HMCN1: variants seen among roughly 807,000 people sequenced by gnomAD.
The protein encoded by HMCN1 is hemicentin 1.
In HMCN1, 321 loss-of-function variants were observed where a neutral mutation model predicts 625.9. That is an observed-to-expected ratio of 0.51 (90% confidence interval 0.47 to 0.56). HMCN1 has a LOEUF of 0.56. HMCN1 is among the 20% of genes least tolerant of loss of function. The pLI, the probability that HMCN1 is intolerant of heterozygous loss-of-function variation, is 0.00. For synonymous variants in HMCN1, 2,425 were observed against 2,417.6 expected, an observed-to-expected ratio of 1.00 and a Z score of -0.09; for missense variants, 6,588 against 6,887.3, an observed-to-expected ratio of 0.96 and a Z score of 1.54.
intron 9 of HMCN1, among the ~76,000 whole-genome samples, chr1:185,926,934 A>C (rs1667307510): frequency 6.6e-6 from 1 of 152,198 alleles, no homozygotes; most frequent in African/African-American, 2.4e-5. Context: ...GCTTAATGTC[A>C]ACTGAGAAGG....
chr1:185,972,958 T>A (rs947603327), intron 15 of HMCN1, among the ~76,000 whole-genome samples: 12 of 152,232 alleles, frequency 7.9e-5, no homozygotes, highest in African/African-American at 2.6e-4. Context: ...ACCATGCAAA[T>A]CACAGTTGCA....
At chr1:185,822,639 T>A (rs74135365) in intron 1 of HMCN1, among the ~76,000 whole-genome samples, 6,309 of 152,256 alleles carry the variant, frequency 0.041, 434 homozygotes, top group African/African-American at 0.14. Flanking sequence ...AGGTTAAATT[T>A]AAAATTTTTT....
chr1:186,044,212 T>C (rs1656399366), intron 40 of HMCN1, among the ~76,000 whole-genome samples: 1 of 152,230 alleles, frequency 6.6e-6, no homozygotes, highest in African/African-American at 2.4e-5. Context: ...CAGTGTTTTC[T>C]GTTTCTCACA....
At chr1:186,175,876 C>CAAAAAAAAAAAAAAAAAAA (rs758445916) in intron 103 of HMCN1, among the ~76,000 whole-genome samples, 13 of 76,130 alleles carry the variant, frequency 1.7e-4, no homozygotes, top group Non-Finnish European at 2.4e-4. Context: ...AACTATGTCT[C>CAAAAAAAAAAAAAAAAAAA]AAAAAAAAAA....
intron 11 of HMCN1, among the ~76,000 whole-genome samples, chr1:185,957,306 G>A (rs1264234023): frequency 6.6e-6 from 1 of 152,150 alleles, no homozygotes; most frequent in East Asian, 1.9e-4. Flanking sequence ...CAAAATGTGA[G>A]TGAGTTTTGC....
chr1:186,146,968 C>T (rs184896215), intron 93 of HMCN1, among the ~76,000 whole-genome samples: 41 of 152,304 alleles, frequency 2.7e-4, no homozygotes, highest in Admixed American at 2.1e-3. Flanking sequence ...GTCAAAATGT[C>T]AGTGATGACC....
intron 1 of HMCN1, among the ~76,000 whole-genome samples, chr1:185,788,912 A>C (rs1403015020): frequency 6.6e-6 from 1 of 152,208 alleles, no homozygotes; most frequent in Non-Finnish European, 1.5e-5. Context: ...CTATGTAATA[A>C]AGTAACAAAT....
chr1:185,818,688 C>T (rs1414461607), intron 1 of HMCN1, among the ~76,000 whole-genome samples: 1 of 151,930 alleles, frequency 6.6e-6, no homozygotes, highest in East Asian at 1.9e-4. Context: ...ATATATTTTT[C>T]ATAAGAATTA....
chr1:186,094,413 A>T (rs1268279937), intron 67 of HMCN1, 40 bp downstream of exon 67: 3 of 1,432,444 alleles, frequency 2.1e-6, no homozygotes, highest in Non-Finnish European at 3.0e-6. Flanking sequence ...TTGCTATGTC[A>T]AGTATTAAGC....
At chr1:185,987,105 A>C (rs1408847694) in intron 19 of HMCN1, among the ~76,000 whole-genome samples, 1 of 151,724 alleles carries the variant, frequency 6.6e-6, no homozygotes, top group African/African-American at 2.4e-5. Context: ...TGTAGCTCTT[A>C]GAGTGCAATT....
intron 1 of HMCN1, among the ~76,000 whole-genome samples, chr1:185,812,856 G>A (rs781298726): frequency 5.3e-5 from 8 of 151,948 alleles, no homozygotes; most frequent in Non-Finnish European, 1.0e-4. Context: ...AGATGGAAAT[G>A]AGACCTAATT....
At chr1:186,089,682 T>G (rs1381578814) in intron 63 of HMCN1, among the ~76,000 whole-genome samples, 1 of 152,000 alleles carries the variant, frequency 6.6e-6, no homozygotes. Flanking sequence ...ACCAGATTTT[T>G]ATATACTTTA....
At chr1:185,894,252 A>G (rs1400453290) in intron 4 of HMCN1, among the ~76,000 whole-genome samples, 1 of 152,226 alleles carries the variant, frequency 6.6e-6, no homozygotes, top group Non-Finnish European at 1.5e-5. Flanking sequence ...CATACAGTAC[A>G]CTTCAGTTGC....
At chr1:185,932,652 A>G in intron 10 of HMCN1, among the ~76,000 whole-genome samples, 1 of 152,082 alleles carries the variant, frequency 6.6e-6, no homozygotes, top group East Asian at 1.9e-4. Flanking sequence ...TTTCACTCAT[A>G]AGTGGGAGTT....
At chr1:186,133,840 AT>A (rs771766121) in intron 86 of HMCN1, among the ~76,000 whole-genome samples, 1 of 152,082 alleles carries the variant, frequency 6.6e-6, no homozygotes, top group Non-Finnish European at 1.5e-5. Flanking sequence ...GAGTTCTTTT[AT>A]TTATTAAATA....
At position 185,923,593 on chromosome 1, in the gene HMCN1, G is replaced by A. The variant is rs375782105; in HGVS notation, c.1225G>A (p.Asp409Asn). Reference sequence around the variant, plus strand: ...TTTCTTTCTCAAAGTAACAGGCTATGATAAAGATGATTACCTCTTCCAGAG... The same window carrying A: ...TTTCTTTCTCAAAGTAACAGGCTATAATAAAGATGATTACCTCTTCCAGAG... ...EAFFLKVTGY[D>N]KDDYLFQRVS... The change falls in exon 8 of 107, where the codon GAT becomes AAT. Residue 409 changes from aspartate to asparagine, a missense_variant. By Grantham distance (23) the Asp-to-Asn change is conservative (BLOSUM62 1). This residue lies in a region of HMCN1 where 4,628 missense variants were observed against 4,853.1 expected (regional missense o/e 0.95). Coordinates refer to ENST00000271588, the MANE Select transcript of HMCN1 (RefSeq NM_031935.3). The A allele has an allele frequency of 6.2e-7, 1 of 1,609,290 alleles. No homozygotes were observed. The highest frequency in any genetic ancestry group is 2.2e-5 in the East Asian group (1 of 44,736).
chr1:186,151,513 T>C, intron 94 of HMCN1, 93 bp from the exon 95 acceptor site: 1 of 1,386,772 alleles, frequency 7.2e-7, no homozygotes, highest in Non-Finnish European at 1.0e-6. Flanking sequence ...TTCAACATTA[T>C]TTAGAATTCA....
intron 71 of HMCN1, among the ~76,000 whole-genome samples, chr1:186,110,977 C>CTTTTTCTTTTTTTTTTTTTTTTTTTTTT (rs1660848196): frequency 3.2e-5 from 2 of 61,648 alleles, no homozygotes; most frequent in African/African-American, 2.0e-4. Flanking sequence ...AGAGAAAATT[C>CTTTTTCTTTTTTTTTTTTTTTTTTTTTT]TTTTTTTTTT....
At chr1:185,856,460 C>T (rs1662471273) in intron 2 of HMCN1, among the ~76,000 whole-genome samples, 1 of 150,688 alleles carries the variant, frequency 6.6e-6, no homozygotes, top group African/African-American at 2.4e-5. Flanking sequence ...TGCACTCCAG[C>T]CTGGGCGACA....
Sources: allele counts gnomAD v4.1 joint callset (sites outside exome capture counted in the v4.1 genomes callset), GRCh38; gene constraint gnomAD v4.1.1; regional missense constraint gnomAD v4.1.1; transcripts MANE v1.5; gene names NCBI Gene and HGNC (gene_info 2026-07-23, HGNC 2026-07-21).